Variants in RNF213 observed in about 807,000 individuals in gnomAD.
RNF213 encodes the protein E3 ubiquitin-protein ligase RNF213.
A neutral mutation model predicts 514.4 loss-of-function variants in RNF213; 341 were observed. The observed-to-expected ratio is 0.66, with a 90% CI of 0.61 to 0.73. The LOEUF is 0.73. Among genes scored for constraint, RNF213 ranks in the 30% least tolerant of loss-of-function variants. The probability of loss-of-function intolerance (pLI) is 0.00; values close to 1 mark genes in which losing one functional copy is unlikely to be tolerated. For synonymous variants in RNF213, 2,655 were observed against 2,658.2 expected (o/e 1.00, Z 0.04); for missense variants, 5,767 against 6,615.6 (o/e 0.87, Z 4.45).
intron 38 of RNF213, among the ~76,000 whole-genome samples, chr17:80,361,316 C>T (rs887788338): frequency 3.3e-5 from 5 of 152,120 alleles, no homozygotes; most frequent in Non-Finnish European, 5.9e-5. Flanking sequence ...GTCAGGAGTT[C>T]GAGACCAGCC....
intron 23 of RNF213, 146 bp downstream of exon 23, chr17:80,336,524 C>T (rs1014407101): frequency 1.0e-5 from 8 of 771,008 alleles, no homozygotes; most frequent in Non-Finnish European, 1.8e-5. Context: ...AGCTTTTCTT[C>T]ATAAATGGAA....
At chr17:80,275,963 G>GTT (rs540150231) in intron 3 of RNF213, among the ~76,000 whole-genome samples, 4,659 of 144,386 alleles carry the variant, frequency 0.032, 219 homozygotes, top group African/African-American at 0.11. Flanking sequence ...TGCCTGGCCA[G>GTT]TTTTTTTTTT....
intron 21 of RNF213, 63 bp downstream of exon 21, chr17:80,332,694 G>A: frequency 6.9e-7 from 1 of 1,439,350 alleles, no homozygotes; most frequent in Non-Finnish European, 9.1e-7. Flanking sequence ...CTCTTCAGGA[G>A]CCATGGGCTT....
intron 67 of RNF213, 111 bp downstream of exon 67, chr17:80,390,307 C>T: frequency 7.7e-7 from 1 of 1,301,760 alleles, no homozygotes; most frequent in South Asian, 1.3e-5. Context: ...ATCCCATTTC[C>T]TGCTTTTTGT....
intron 10 of RNF213, among the ~76,000 whole-genome samples, chr17:80,297,742 G>A (rs1233954661): frequency 1.3e-5 from 2 of 148,818 alleles, no homozygotes; most frequent in African/African-American, 2.5e-5. Flanking sequence ...AGCCAAGATC[G>A]TGCCACTGCG....
At chr17:80,342,666 ATATT>A (rs1030402380) in intron 26 of RNF213, among the ~76,000 whole-genome samples, 7 of 146,780 alleles carry the variant, frequency 4.8e-5, no homozygotes, top group East Asian at 1.9e-4. Context: ...TATATAATAT[ATATT>A]CTATATACTT....
In RNF213 at chr17:80,353,199, AACTG is replaced by A; in HGVS notation, c.10423+145_10423+148del. The A allele has an allele frequency of 8.4e-7, 1 of 1,184,336 alleles. No individual in the cohort carries two copies. Among genetic ancestry groups the A allele is most frequent in the Non-Finnish European group, 1.2e-6 (1 of 823,356 alleles). The allele number at this position is 1,184,336 out of a possible 1,614,324, so 73.4% of individuals were successfully genotyped here. On this transcript the variant is annotated intron_variant, in intron 33 of 67. Coordinates refer to ENST00000582970, the MANE Select transcript of RNF213 (RefSeq NM_001256071.3). The surrounding 1 kb of genome is among the most constrained non-coding windows in gnomAD (Gnocchi z 5.0). ...CAGGAGCTCGGGGACACATCTGCAGAACTGACTGGTGGCTCATCATAGAGCACCA... is the reference window on the plus strand; with the variant it reads ...CAGGAGCTCGGGGACACATCTGCAGAACTGGTGGCTCATCATAGAGCACCA...
chr17:80,351,827 GTATTTATTTATGTATT>G (rs1568115361), intron 32 of RNF213, 24 bp downstream of exon 32: 6 of 1,184,188 alleles, frequency 5.1e-6, no homozygotes, highest in Non-Finnish European at 7.6e-6. Context: ...ATCAGTCAGG[GTATTTATTTATGTATT>G]TATTTATTTA....
chr17:80,272,589 C>T (rs1036180774), intron 2 of RNF213, among the ~76,000 whole-genome samples: 6 of 152,176 alleles, frequency 3.9e-5, no homozygotes, highest in Non-Finnish European at 7.4e-5. Flanking sequence ...TTTGCCCTCA[C>T]GACCCACAGA....
Position 80,348,240 on chromosome 17 carries a change from C to G in RNF213, c.9905C>G (p.Ala3302Gly). ...AACTCCTTTGCAGATTTCCTTCAGG[C>G]ACACCTGCACACGGCAGACCTGGAG... The part of the protein sequence containing the change: ...RHNSFADFLQ[A>G]HLHTADLERH... The change falls in exon 29 of 68, where the codon GCA becomes GGA. Residue 3302 changes from alanine (A) to glycine (G), a missense_variant. Around this residue, in one of 13 missense-constraint regions of RNF213, gnomAD observed 919 missense variants for 1,121.0 expected, o/e 0.82. Transcript: ENST00000582970. The G allele has an allele frequency of 6.2e-7, 1 of 1,614,026 alleles. No homozygotes were observed. The highest frequency in any genetic ancestry group is 8.5e-7 in the Non-Finnish European group (1 of 1,180,044).
chr17:80,305,299 C>T (rs1356412539), intron 11 of RNF213, among the ~76,000 whole-genome samples: 1 of 151,492 alleles, frequency 6.6e-6, no homozygotes, highest in Non-Finnish European at 1.5e-5. Flanking sequence ...CTGCCTCAGC[C>T]TCCCAAGTAG....
chr17:80,344,147 T>C, intron 28 of RNF213, 132 bp downstream of exon 28: 1 of 941,852 alleles, frequency 1.1e-6, no homozygotes, highest in East Asian at 2.5e-5. Flanking sequence ...AATGCAGTGT[T>C]AGTAAAGAAA....
At chr17:80,362,324 C>G (rs576442028) in intron 39 of RNF213, among the ~76,000 whole-genome samples, 1 of 152,300 alleles carries the variant, frequency 6.6e-6, no homozygotes, top group South Asian at 2.1e-4. Context: ...AACATCCTTA[C>G]AGCTAATATG....
Position 80,337,844 on chromosome 17 carries a change from C to T in RNF213, c.4680C>T (p.Asp1560=). 1 of 1,537,126 alleles carries T rather than the reference C, an allele frequency of 6.5e-7. No individual in the cohort carries two copies. The highest frequency in any genetic ancestry group is 1.2e-5 in the South Asian group (1 of 84,066). Residue 1560 remains aspartate, a synonymous_variant, in exon 25 of 68, where the codon GAC becomes GAT. Coordinates refer to ENST00000582970, the MANE Select transcript of RNF213 (RefSeq NM_001256071.3). ...APKGGQKISP[D]TVLHLILPES... ...TATGCTCTTCACAGATTTCCCCAGACACGGTTCTGCACTTGATCCTTCCTG... is the reference window on the plus strand; with the variant it reads ...TATGCTCTTCACAGATTTCCCCAGATACGGTTCTGCACTTGATCCTTCCTG...
intron 31 of RNF213, 86 bp from the exon 32 acceptor site, chr17:80,351,599 C>T: frequency 1.3e-6 from 1 of 772,224 alleles, no homozygotes; most frequent in Non-Finnish European, 2.2e-6. Context: ...CCTTCTGCAG[C>T]TGCACAGCTT....
chr17:80,306,395 C>G lies in RNF213; in HGVS notation c.2354C>G (p.Pro785Arg), dbSNP rs763625430. The G allele has an allele frequency of 1.2e-5, 19 of 1,614,158 alleles. No homozygotes were observed. Among genetic ancestry groups the G allele is most frequent in the Admixed American group, 5.0e-5 (3 of 60,024 alleles). The change falls in exon 12 of 68, where the codon CCT (proline) becomes CGT (arginine). Residue 785 changes from proline (P) to arginine (R), a missense_variant. This residue lies in a region of RNF213 where 592 missense variants were observed against 673.9 expected (regional missense o/e 0.88). Coordinates refer to ENST00000582970, the MANE Select transcript of RNF213 (RefSeq NM_001256071.3). The stretch of plus-strand genomic sequence containing the variant: ...TTCATTGAGCACCTGGGTCGTTTTC[C>G]TGCTCATATCCTGGACTGTCTTTCA... The part of the protein sequence containing the change: ...ENFIEHLGRF[P>R]AHILDCLSGI...
intron 8 of RNF213, chr17:80,292,042 T>C: frequency 1.6e-6 from 1 of 622,878 alleles, no homozygotes; most frequent in Admixed American, 2.6e-5. Flanking sequence ...TCCTTTGAGC[T>C]CAGTGTGACT....
intron 12 of RNF213, among the ~76,000 whole-genome samples, chr17:80,306,874 C>T (rs1442948552): frequency 2.0e-5 from 3 of 150,610 alleles, no homozygotes; most frequent in South Asian, 2.1e-4. Flanking sequence ...AAAAAGAAGG[C>T]GTCTCATGTG....
Position 80,384,429 on chromosome 17 carries a change from CCTAA to C in RNF213, c.14322+504_14322+507del, listed in dbSNP as rs565226038. Among the ~76,000 whole-genome samples the C allele has an allele frequency of 3.1e-3, 478 of 152,336 alleles. 3 individuals are homozygous for C. Among genetic ancestry groups the C allele is most frequent in the African/African-American group, 0.011 (447 of 41,572 alleles). Reference sequence around the variant, plus strand: ...TCTGTTGGAATTGGAAATATACTTTCCTAACTTTCACCCATTTGCACTTTCATTT... The same window carrying C: ...TCTGTTGGAATTGGAAATATACTTTCCTTTCACCCATTTGCACTTTCATTT... On this transcript the variant is annotated intron_variant, in intron 59 of 67. Coordinates refer to ENST00000582970, the MANE Select transcript of RNF213 (RefSeq NM_001256071.3).
Sources: allele counts gnomAD v4.1 joint callset (sites outside exome capture counted in the v4.1 genomes callset), GRCh38; gene constraint gnomAD v4.1.1; regional missense constraint gnomAD v4.1.1; non-coding constraint Gnocchi (gnomAD v3.1); transcripts MANE v1.5; gene names NCBI Gene and HGNC (gene_info 2026-07-23, HGNC 2026-07-21).